Variants in LYZL1 observed in about 807,000 individuals in gnomAD.
The protein encoded by LYZL1 is lysozyme like 1, also known as lysozyme-like protein 1.
LYZL1 carries 16 observed loss-of-function variants against 17.9 expected under a neutral mutation model. That is an observed-to-expected ratio of 0.90 (90% CI 0.61 to 1.36). LYZL1 has a LOEUF of 1.36. LYZL1 is among the 40% of genes most tolerant of loss of function. The pLI is 0.00. For synonymous variants in LYZL1, 58 were observed against 71.8 expected, an observed-to-expected ratio of 0.81 and a Z score of 0.97; for missense variants, 149 against 188.4, an observed-to-expected ratio of 0.79 and a Z score of 1.22.
chr10:29,290,441 C>A (rs71492582), intron 1 of LYZL1, among the ~76,000 whole-genome samples: 2,096 of 152,224 alleles, frequency 0.014, 24 homozygotes, highest in South Asian at 0.047. Flanking sequence ...AGGCTTTGTC[C>A]TCCATCCCTC....
intron 3 of LYZL1, among the ~76,000 whole-genome samples, chr10:29,295,525 A>G (rs1246814950): frequency 6.6e-6 from 1 of 152,186 alleles, no homozygotes; most frequent in Non-Finnish European, 1.5e-5. Context: ...TTTACCTCCC[A>G]TGGTGGGCTG....
At chr10:29,309,405 G>A (rs1203079103) in intron 3 of LYZL1, among the ~76,000 whole-genome samples, 2 of 152,074 alleles carry the variant, frequency 1.3e-5, no homozygotes, top group Non-Finnish European at 2.9e-5. Flanking sequence ...AATATGAAAT[G>A]ACAATAGACA....
At chr10:29,296,137 C>T (rs530776769) in intron 3 of LYZL1, among the ~76,000 whole-genome samples, 1 of 152,130 alleles carries the variant, frequency 6.6e-6, no homozygotes, top group Non-Finnish European at 1.5e-5. Context: ...CCTCTCCTCC[C>T]TCTTGGTGTC....
At chr10:29,310,868 G>A in intron 4 of LYZL1, 122 bp from the exon 5 acceptor site, 1 of 1,445,664 alleles carries the variant, frequency 6.9e-7, no homozygotes, top group South Asian at 1.2e-5. Context: ...AAGCTCAGAA[G>A]CAAATGAAAC....
intron 3 of LYZL1, among the ~76,000 whole-genome samples, chr10:29,307,564 G>A (rs1835612756): frequency 6.6e-6 from 1 of 152,124 alleles, no homozygotes; most frequent in Non-Finnish European, 1.5e-5. Context: ...TGCCATATTG[G>A]CATTAGCCAA....
downstream of LYZL1, among the ~76,000 whole-genome samples, chr10:29,314,890 C>T (rs573724973): frequency 3.3e-4 from 50 of 152,238 alleles, no homozygotes; most frequent in Middle Eastern, 3.4e-3. Context: ...TGCTGCCCTG[C>T]GGGGATCTTC....
intron 3 of LYZL1, among the ~76,000 whole-genome samples, chr10:29,304,496 G>T (rs1564392481): frequency 6.6e-6 from 1 of 151,904 alleles, no homozygotes; most frequent in Admixed American, 6.6e-5. Flanking sequence ...CAGATACTTT[G>T]AAGTAGAACT....
At chr10:29,313,471 A>AT (rs909352898), downstream of LYZL1, among the ~76,000 whole-genome samples, 4 of 152,040 alleles carry the variant, frequency 2.6e-5, no homozygotes, top group Admixed American at 1.3e-4. Context: ...TGGGGGAAAT[A>AT]TTTTTTTTAA....
chr10:29,312,118 A>G (rs1410869312), downstream of LYZL1, among the ~76,000 whole-genome samples: 2 of 152,210 alleles, frequency 1.3e-5, no homozygotes, highest in Non-Finnish European at 2.9e-5. Context: ...TGGGCAACAT[A>G]GCAAGACCCT....
At chr10:29,302,760 G>T (rs1835538023) in intron 3 of LYZL1, among the ~76,000 whole-genome samples, 1 of 152,132 alleles carries the variant, frequency 6.6e-6, no homozygotes, top group Non-Finnish European at 1.5e-5. Context: ...CACCATAGTT[G>T]CCGTACCCCG....
chr10:29,306,796 A>ATGTG (rs35332190), intron 3 of LYZL1, among the ~76,000 whole-genome samples: 21,210 of 141,040 alleles, frequency 0.15, 1,675 homozygotes, highest in Admixed American at 0.24. Flanking sequence ...CCGCTTATGT[A>ATGTG]TGTGTGTGTG....
intron 1 of LYZL1, among the ~76,000 whole-genome samples, chr10:29,290,769 G>A (rs1475084507): frequency 9.9e-5 from 15 of 152,134 alleles, no homozygotes; most frequent in Non-Finnish European, 1.0e-4. Context: ...AACCTGGGAG[G>A]CAGAGTTTGG....
chr10:29,303,665 G>A (rs17294522), intron 3 of LYZL1, among the ~76,000 whole-genome samples: 3 of 152,076 alleles, frequency 2.0e-5, no homozygotes, highest in African/African-American at 4.8e-5. Context: ...TTTTCTTATC[G>A]TGAAGAGCAT....
At chr10:29,290,604 GC>G (rs1194422539) in intron 1 of LYZL1, among the ~76,000 whole-genome samples, 1 of 152,176 alleles carries the variant, frequency 6.6e-6, no homozygotes, top group African/African-American at 2.4e-5. Context: ...ACTTTGGGAG[GC>G]CGAGGTGGGC....
intron 3 of LYZL1, among the ~76,000 whole-genome samples, chr10:29,295,437 C>T (rs981520437): frequency 6.6e-6 from 1 of 152,168 alleles, no homozygotes; most frequent in Non-Finnish European, 1.5e-5. Context: ...CCTTCTCTGT[C>T]CCAGTCAATC....
At chr10:29,306,394 CAAAAAA>C (rs1461725028) in intron 3 of LYZL1, among the ~76,000 whole-genome samples, 17 of 146,934 alleles carry the variant, frequency 1.2e-4, no homozygotes, top group African/African-American at 3.3e-4. Flanking sequence ...ACTAAAAATA[CAAAAAA>C]TTAGCCGGGC....
chr10:29,289,149 C>A lies in LYZL1; in HGVS notation c.-107C>A. The A allele has an allele frequency of 6.2e-7, 1 of 1,607,630 alleles. No homozygotes were observed. Among genetic ancestry groups the A allele is most frequent in the Admixed American group, 1.7e-5 (1 of 59,396 alleles). ...GACGCTCCCCTGAGCTGCCTGTCAC[C>A]GACTAAGTGGAGCAGTGTTTCTTCC... On this transcript the variant is annotated 5_prime_UTR_variant, in exon 1 of 5. Coordinates refer to ENST00000649382, the MANE Select transcript of LYZL1 (RefSeq NM_032517.6).
In LYZL1 at chr10:29,310,936, C is replaced by T. The variant is rs111399188; in HGVS notation, c.378-54C>T. The T allele has an allele frequency of 9.8e-5, 158 of 1,613,808 alleles. 1 individual carries two copies. In the African/African-American group the frequency reaches 1.4e-3, roughly 14 times the overall value. ...ATTTCTGTAGGCTTTGAAACTAAGACGGTTTGGATTGTCACGCTTCTTTCT... is the reference window on the plus strand; with the variant it reads ...ATTTCTGTAGGCTTTGAAACTAAGATGGTTTGGATTGTCACGCTTCTTTCT... On this transcript the variant is annotated intron_variant, in intron 4 of 4. Transcript: ENST00000649382.
intron 3 of LYZL1, among the ~76,000 whole-genome samples, chr10:29,298,520 G>A (rs917753940): frequency 2.6e-5 from 4 of 152,184 alleles, no homozygotes. Context: ...TGGTGGAGAA[G>A]GGTAGAGAGT....
Sources: gnomAD v4.1 joint callset for allele counts (sites outside exome capture counted in the v4.1 genomes callset) on GRCh38, gnomAD v4.1.1 for gene constraint, MANE v1.5 for transcripts, NCBI Gene and HGNC (gene_info 2026-07-23, HGNC 2026-07-21) for gene names.